Variants in PTPRB observed in about 807,000 individuals in gnomAD.
PTPRB encodes the protein receptor-type tyrosine-protein phosphatase beta.
PTPRB carries 97 observed loss-of-function variants against 238.1 expected under a neutral mutation model. The ratio of observed to expected loss-of-function variants is 0.41; its 90% CI spans 0.35 to 0.48. PTPRB has a LOEUF of 0.48. Among genes scored for constraint, PTPRB ranks in the 20% least tolerant of loss-of-function variants. The pLI is 0.30. For missense variants in PTPRB, 2,292 were observed against 2,681.9 expected, an observed-to-expected ratio of 0.85 and a Z score of 3.21; for synonymous variants, 970 against 995.4, an observed-to-expected ratio of 0.97 and a Z score of 0.48.
intron 3 of PTPRB, among the ~76,000 whole-genome samples, chr12:70,612,554 C>G (rs74101505): frequency 0.027 from 4,099 of 152,222 alleles, 188 homozygotes; most frequent in African/African-American, 0.093. Context: ...ATCAGCCACT[C>G]TGTACCATTT....
At chr12:70,567,096 A>G (rs1675440159) in intron 14 of PTPRB, among the ~76,000 whole-genome samples, 1 of 152,212 alleles carries the variant, frequency 6.6e-6, no homozygotes, top group Non-Finnish European at 1.5e-5. Flanking sequence ...TATTACTAAC[A>G]TTAACTAAGG....
intron 26 of PTPRB, 188 bp from the exon 27 acceptor site, chr12:70,539,202 T>C (rs1874660163): frequency 6.6e-6 from 4 of 602,824 alleles, no homozygotes; most frequent in South Asian, 6.4e-5. Flanking sequence ...GGTCTCACTA[T>C]TTTACAGGTG....
chr12:70,536,495 T>C (rs1406511107), intron 28 of PTPRB, among the ~76,000 whole-genome samples: 1 of 152,154 alleles, frequency 6.6e-6, no homozygotes, highest in Non-Finnish European at 1.5e-5. Context: ...TCAGGCTCTT[T>C]CCCTATTTAA....
Position 70,587,206 on chromosome 12 carries a change from C to G in PTPRB, c.2112G>C (p.Met704Ile). 1 of 1,613,762 alleles carries G rather than the reference C, an allele frequency of 6.2e-7. No homozygotes were observed. Among genetic ancestry groups the G allele is most frequent in the Middle Eastern group, 1.6e-4 (1 of 6,062 alleles). Residue 704 changes from methionine to isoleucine, a missense_variant, in exon 9 of 34, where the codon ATG becomes ATC. By Grantham distance (10) the Met-to-Ile change is conservative (BLOSUM62 1). Coordinates refer to ENST00000334414, the MANE Select transcript of PTPRB (RefSeq NM_001109754.4). ...CCCATTCTGCTACAGGGGTCTGCCA[C>G]ATGATACTCAGTGAGGTTTCATTGG... ...KHANETSLSI[M>I]WQTPVAEWEK... is the part of the protein sequence containing the mutation.
Position 70,594,729 on chromosome 12 carries a change from T to G in PTPRB, c.1259-5A>C, listed in dbSNP as rs762302860. 1 of 1,613,592 alleles carries G rather than the reference T, an allele frequency of 6.2e-7. No individual in the cohort carries two copies. Among genetic ancestry groups the G allele is most frequent in the African/African-American group, 1.3e-5 (1 of 74,922 alleles). On this transcript the variant is annotated splice_region_variant and splice_polypyrimidine_tract_variant and intron_variant, in intron 5 of 33. Coordinates refer to ENST00000334414, the MANE Select transcript of PTPRB (RefSeq NM_001109754.4). The stretch of plus-strand genomic sequence containing the variant: ...TATCTTTCACTGGAGATGGCACTAG[T>G]GGGATAAAATGCATGTCCAAATGTC...
At chr12:70,559,175 G>T in intron 18 of PTPRB, 168 bp downstream of exon 18, 2 of 706,188 alleles carry the variant, frequency 2.8e-6, no homozygotes, top group Non-Finnish European at 4.8e-6. Flanking sequence ...GTCCCTTGTT[G>T]TTAATGTTGA....
At chr12:70,591,887 G>C (rs1882522111) in intron 7 of PTPRB, 1 of 195,358 alleles carries the variant, frequency 5.1e-6, no homozygotes, top group Non-Finnish European at 1.1e-5. Context: ...CAATAGTACA[G>C]TAATTTACAT....
chr12:70,581,295 G>C lies in PTPRB; in HGVS notation c.2319C>G (p.Ala773=). The C allele has an allele frequency of 6.2e-7, 1 of 1,612,270 alleles. No homozygotes were observed. Among genetic ancestry groups the C allele is most frequent in the Non-Finnish European group, 8.5e-7 (1 of 1,178,942 alleles). The change falls in exon 10 of 34, where the codon GCC becomes GCG. Residue 773 remains alanine, a synonymous_variant. Transcript: ENST00000334414. The stretch of plus-strand genomic sequence containing the variant: ...TGGCCACATGCAAGTCAGTCACTTG[G>C]GCAGGCACTAAAACAGTAGACAGAA... ...SSSVKGRTVP[A]QVTDLHVANQ...
chr12:70,595,905 C>T (rs1478283215), intron 5 of PTPRB, 144 bp downstream of exon 5: 1 of 784,908 alleles, frequency 1.3e-6, no homozygotes. Context: ...TCCACTGTAT[C>T]CCACAAGCTC....
rs61930308 is a variant in PTPRB at position 70,572,122 on chromosome 12, G to A, written c.2843-35C>T. ...AAACAGAGAGTAACTAAATATTTAT[G>A]AATTCTGAGTGAGTAATTGATCACA... is the stretch of plus-strand genomic sequence containing the variant. On this transcript the variant is annotated intron_variant, in intron 11 of 33. Transcript: ENST00000334414. The A allele has an allele frequency of 1.9e-6, 3 of 1,551,044 alleles. No individual in the cohort carries two copies. In the South Asian group the frequency reaches 3.6e-5, roughly 18 times the overall value.
rs553942170 is a variant in PTPRB at position 70,587,853 on chromosome 12, C to A, written c.2051-586G>T. Among the ~76,000 whole-genome samples the A allele has an allele frequency of 4.1e-4, 63 of 152,194 alleles. 1 individual carries two copies. The highest frequency in any genetic ancestry group is 2.5e-3 in the East Asian group (13 of 5,174). On this transcript the variant is annotated intron_variant, in intron 8 of 33. Transcript: ENST00000334414. The stretch of plus-strand genomic sequence containing the variant: ...CGGTGGCTCACATCTGTAATCCCAG[C>A]ACTTTGGGAGGCCGAGGCGGGTGGA...
chr12:70,532,613 CCTTCTTT>C (rs1466076354), intron 31 of PTPRB, among the ~76,000 whole-genome samples: 1 of 151,774 alleles, frequency 6.6e-6, no homozygotes, highest in Non-Finnish European at 1.5e-5. Flanking sequence ...TTCTTTCCTT[CCTTCTTT>C]CTTTCTCTCT....
intron 32 of PTPRB, among the ~76,000 whole-genome samples, chr12:70,524,993 A>ATG (rs1270281056): frequency 1.3e-5 from 2 of 151,380 alleles, no homozygotes; most frequent in Non-Finnish European, 2.9e-5. Flanking sequence ...GTGTGTGTAT[A>ATG]TATATATATA....
intron 28 of PTPRB, chr12:70,537,897 A>C: frequency 3.0e-6 from 1 of 337,218 alleles, no homozygotes; most frequent in Non-Finnish European, 5.4e-6. Context: ...ATCTTGGTTA[A>C]GGACTGCAGA....
intron 4 of PTPRB, among the ~76,000 whole-genome samples, chr12:70,608,403 T>C (rs1447848046): frequency 6.6e-6 from 1 of 152,062 alleles, no homozygotes; most frequent in African/African-American, 2.4e-5. Flanking sequence ...ACACTCCCAT[T>C]TTACAGATAA....
At chr12:70,595,882 T>G (rs1389707646) in intron 5 of PTPRB, among the ~76,000 whole-genome samples, 167 bp downstream of exon 5, 1 of 152,188 alleles carries the variant, frequency 6.6e-6, no homozygotes, top group Non-Finnish European at 1.5e-5. Flanking sequence ...CATCCTATTT[T>G]CAGTCCAGTC....
intron 9 of PTPRB, 108 bp downstream of exon 9, chr12:70,586,899 C>G: frequency 9.4e-7 from 1 of 1,066,138 alleles, no homozygotes; most frequent in Non-Finnish European, 1.4e-6. Context: ...ATCCATAAAG[C>G]AATGCCCAGT....
At chr12:70,555,080 T>A (rs1877450255) in intron 20 of PTPRB, 80 bp downstream of exon 20, 2 of 1,481,186 alleles carry the variant, frequency 1.4e-6, no homozygotes, top group African/African-American at 2.8e-5. Flanking sequence ...TTCTTAAACT[T>A]TGTCACAGAA....
At chr12:70,571,333 A>C in intron 12 of PTPRB, 44 bp from the exon 13 acceptor site, 1 of 1,496,702 alleles carries the variant, frequency 6.7e-7, no homozygotes, top group South Asian at 1.2e-5. Context: ...GGAACTGATC[A>C]GAGTTTACCT....
Sources: allele counts gnomAD v4.1 joint callset (sites outside exome capture counted in the v4.1 genomes callset), GRCh38; gene constraint gnomAD v4.1.1; transcripts MANE v1.5; gene names NCBI Gene and HGNC (gene_info 2026-07-23, HGNC 2026-07-21).